The following NUP205 variants were observed in gnomAD, a reference collection of about 807,000 sequenced individuals.
NUP205 encodes the protein nucleoporin 205, also known as nuclear pore complex protein Nup205.
A neutral mutation model predicts 253.8 loss-of-function variants in NUP205; 76 were observed. The ratio of observed to expected loss-of-function variants is 0.30; its 90% confidence interval spans 0.25 to 0.36. The LOEUF (loss-of-function observed/expected upper bound fraction) is 0.36. NUP205 is among the 10% of genes least tolerant of loss of function. The pLI is 1.00. For missense variants in NUP205, 2,162 were observed against 2,425.5 expected (o/e 0.89, Z 2.28); for synonymous variants, 832 against 850.1 (o/e 0.98, Z 0.37).
chr7:135,616,517 A>G (rs1332129502), intron 24 of NUP205, 138 bp from the exon 25 acceptor site: 5 of 452,106 alleles, frequency 1.1e-5, no homozygotes, highest in African/African-American at 1.0e-4. Context: ...TTACATTTTA[A>G]TTATCCATTT....
intron 1 of NUP205, 72 bp downstream of exon 1, chr7:135,558,044 A>G (rs368541180): frequency 2.5e-4 from 337 of 1,344,476 alleles, no homozygotes; most frequent in Non-Finnish European, 3.3e-4. Context: ...CGAGACCGTG[A>G]GGTTTCTCGG....
intron 3 of NUP205, among the ~76,000 whole-genome samples, chr7:135,574,303 A>C (rs1434473834): frequency 6.6e-6 from 1 of 152,168 alleles, no homozygotes; most frequent in Non-Finnish European, 1.5e-5. Context: ...CAGATAATGC[A>C]TGAGTAGGTA....
intron 38 of NUP205, among the ~76,000 whole-genome samples, chr7:135,642,537 A>ATCCCAC (rs1211642271): frequency 2.0e-5 from 3 of 152,314 alleles, no homozygotes; most frequent in East Asian, 3.9e-4. Context: ...CTTTTATGAC[A>ATCCCAC]TCCCACTGTT....
At chr7:135,628,465 G>T (rs548529204) in intron 34 of NUP205, among the ~76,000 whole-genome samples, 27 of 152,302 alleles carry the variant, frequency 1.8e-4, no homozygotes, top group African/African-American at 6.3e-4. Context: ...GGCCTTGCAG[G>T]CTGGGCATGG....
At chr7:135,637,879 A>G (rs1794840012) in intron 36 of NUP205, 52 bp from the exon 37 acceptor site, 7 of 1,538,980 alleles carry the variant, frequency 4.5e-6, no homozygotes, top group African/African-American at 1.4e-5. Flanking sequence ...CCCTCAAGAA[A>G]GAGAGGTTAC....
intron 3 of NUP205, among the ~76,000 whole-genome samples, chr7:135,574,138 A>G (rs1370388732): frequency 6.6e-6 from 1 of 152,072 alleles, no homozygotes; most frequent in Non-Finnish European, 1.5e-5. Context: ...ATGCCCGGCT[A>G]TCCTTTCTTA....
At chr7:135,648,310 C>A in intron 42 of NUP205, 94 bp from the exon 43 acceptor site, 1 of 1,117,474 alleles carries the variant, frequency 8.9e-7, no homozygotes, top group South Asian at 2.6e-5. Context: ...AACCACATTA[C>A]AAAAATTCTA....
intron 34 of NUP205, among the ~76,000 whole-genome samples, chr7:135,628,474 G>A (rs1338842389): frequency 6.6e-6 from 1 of 152,112 alleles, no homozygotes; most frequent in Non-Finnish European, 1.5e-5. Context: ...GGCTGGGCAT[G>A]GTGGCTCACG....
intron 22 of NUP205, among the ~76,000 whole-genome samples, chr7:135,608,097 G>T (rs1238717797): frequency 6.7e-6 from 1 of 149,838 alleles, no homozygotes; most frequent in East Asian, 2.0e-4. Flanking sequence ...CGTGATTGTG[G>T]CACACTGCAA....
rs760254905 is a variant in NUP205, at chr7:135,593,070, C to T, written c.1708C>T (p.Arg570Trp). 12 of 1,613,820 alleles carry T rather than the reference C, an allele frequency of 7.4e-6. No individual in the cohort carries two copies. The highest frequency in any genetic ancestry group is 6.7e-5 in the East Asian group (3 of 44,888). The change falls in exon 12 of 43, where the codon CGG (arginine) becomes TGG (tryptophan). Residue 570 changes from arginine (R) to tryptophan (W), a missense_variant. Coordinates refer to ENST00000285968, the MANE Select transcript of NUP205 (RefSeq NM_015135.3). ...HSLMLYHEHL[R>W]KDLPSADSVQ... ...CTTGATGCTTTACCACGAACACCTTCGGAAGGATCTTCCAAGTGCAGATAG... is the reference window on the plus strand; with the variant it reads ...CTTGATGCTTTACCACGAACACCTTTGGAAGGATCTTCCAAGTGCAGATAG...
In NUP205 at chr7:135,571,043, C is replaced by T. The variant is rs962838274; in HGVS notation, c.29-62C>T. 1.5e-5 allele frequency: 20 copies of T among 1,373,318 alleles called. No homozygotes were observed. In the South Asian group the frequency reaches 2.7e-4, roughly 18 times the overall value. The allele number at this position is 1,373,318 out of a possible 1,614,324, so 85.1% of individuals were successfully genotyped here. A position where few individuals can be genotyped will look rare whatever the true frequency, so the allele number is the denominator to read the frequency against. ...GTAACTAAAATGTGTGGATGGTAAC[C>T]TCACATTATTTTTCAAGTGTATGTT... is the stretch of plus-strand genomic sequence containing the variant. On this transcript the variant is annotated intron_variant, in intron 1 of 42. Transcript: ENST00000285968.
intron 21 of NUP205, 45 bp downstream of exon 21, chr7:135,606,960 G>A (rs780308937): frequency 2.6e-5 from 40 of 1,553,308 alleles, no homozygotes; most frequent in Non-Finnish European, 3.5e-5. Flanking sequence ...CCATATTTGT[G>A]TATCTCAGGG....
chr7:135,570,048 TATATAGAGAG>T (rs1483497384), intron 1 of NUP205, among the ~76,000 whole-genome samples: 447 of 99,696 alleles, frequency 4.5e-3, no homozygotes, highest in Middle Eastern at 0.01. Context: ...TATATATATA[TATATAGAGAG>T]AGAGAGAGAG....
At chr7:135,585,472 C>G (rs1175689861) in intron 8 of NUP205, among the ~76,000 whole-genome samples, 3 of 152,010 alleles carry the variant, frequency 2.0e-5, no homozygotes, top group Non-Finnish European at 2.9e-5. Context: ...AGGATTAGTG[C>G]TAAGGTTGCT....
At chr7:135,593,813 A>C (rs1793755983) in intron 12 of NUP205, among the ~76,000 whole-genome samples, 1 of 152,196 alleles carries the variant, frequency 6.6e-6, no homozygotes, top group Non-Finnish European at 1.5e-5. Context: ...TTTCTCACTG[A>C]ATTAAAATGG....
At position 135,576,374 on chromosome 7, in the gene NUP205, A is replaced by G; in HGVS notation, c.448A>G (p.Ile150Val). The part of the protein sequence containing the change: ...RCIANSLKAL[I>V]QSRRGKTWTL... ...CATTGCGAATTCCTTGAAAGCCTTG[A>G]TACAGTCTAGACGGGGAAAGACATG... Residue 150 changes from isoleucine (I) to valine (V), a missense_variant, in exon 4 of 43, where the codon ATA (isoleucine) becomes GTA (valine). By Grantham distance (29) the Ile-to-Val change is conservative. This residue lies in a region of NUP205 where 892 missense variants were observed against 957.1 expected (regional missense o/e 0.93). Transcript: ENST00000285968. The G allele has an allele frequency of 6.2e-7, 1 of 1,613,928 alleles. No homozygotes were observed.
chr7:135,624,354 A>G (rs904721445), intron 31 of NUP205, among the ~76,000 whole-genome samples: 5 of 150,214 alleles, frequency 3.3e-5, no homozygotes, highest in Non-Finnish European at 7.4e-5. Context: ...GGCATGCACC[A>G]CCATGCTGGG....
Position 135,628,126 on chromosome 7 carries a change from T to G in NUP205, c.4932+15T>G. 1 of 1,605,802 alleles carries G rather than the reference T, an allele frequency of 6.2e-7. No homozygotes were observed. ...CAGCAGGGCAGGTAAGGTGAACCCT[T>G]TGTTTAGATATTGTCTAGAGCAAAA... On this transcript the variant is annotated intron_variant, in intron 34 of 42. Transcript: ENST00000285968.
At chr7:135,617,570 T>C in intron 26 of NUP205, 32 bp from the exon 27 acceptor site, 1 of 1,537,236 alleles carries the variant, frequency 6.5e-7, no homozygotes, top group South Asian at 1.1e-5. Context: ...GTCTGAAATG[T>C]CTTATTTTTC....
Sources: gnomAD v4.1 joint callset for allele counts (sites outside exome capture counted in the v4.1 genomes callset) on GRCh38, gnomAD v4.1.1 for gene constraint, gnomAD v4.1.1 regional missense constraint, MANE v1.5 for transcripts, NCBI Gene and HGNC (gene_info 2026-07-23, HGNC 2026-07-21) for gene names.